XKR6: variants seen among roughly 807,000 people sequenced by gnomAD.
The protein encoded by XKR6 is XK related 6, also known as XK-related protein 6.
A neutral mutation model predicts 56.7 loss-of-function variants in XKR6; 22 were observed. That is an observed-to-expected ratio of 0.39 (90% CI 0.28 to 0.55). The LOEUF is 0.55. Among genes scored for constraint, XKR6 ranks in the 20% least tolerant of loss-of-function variants. The pLI, the probability that XKR6 is intolerant of heterozygous loss-of-function variation, is 0.66. For missense variants in XKR6, 852 were observed against 889.0 expected, an observed-to-expected ratio of 0.96 and a Z score of 0.53; for synonymous variants, 524 against 387.8, an observed-to-expected ratio of 1.35 and a Z score of -4.13.
In XKR6 at chr8:10,967,538, G is replaced by A. The variant is rs373989670; in HGVS notation, c.765-42708C>T. Among the ~76,000 whole-genome samples, 148 of 152,322 alleles carry A rather than the reference G, an allele frequency of 9.7e-4. 1 individual carries two copies. In the South Asian group the frequency reaches 0.019, roughly 20 times the overall value. Reference sequence around the variant, plus strand: ...AGCACTGAGGCAGAGGTCGGGGGGCGTGGGGTGCCTGGTCTGGGGCAATGG... The same window carrying A: ...AGCACTGAGGCAGAGGTCGGGGGGCATGGGGTGCCTGGTCTGGGGCAATGG... On this transcript the variant is annotated intron_variant, in intron 1 of 2. Coordinates refer to ENST00000416569, the MANE Select transcript of XKR6 (RefSeq NM_173683.4).
rs1799937462 is a variant in XKR6, at chr8:10,898,099, T to C, written c.1779A>G (p.Arg593=). ...PLIKIDMPRK[R]YPAWDAHFVD... Reference sequence around the variant, plus strand: ...CAAAATGAGCATCCCAAGCTGGGTATCGCTTTCTTGGCATGTCAATCTTAA... The same window carrying C: ...CAAAATGAGCATCCCAAGCTGGGTACCGCTTTCTTGGCATGTCAATCTTAA... The change falls in exon 3 of 3, where the codon CGA becomes CGG. Residue 593 remains arginine, a synonymous_variant. Transcript: ENST00000416569. This position sits in a 1 kb window ranked among gnomAD's most constrained non-coding sequence, Gnocchi z 6.6. 6.2e-7 allele frequency: 1 copy of C among 1,614,196 alleles called. No homozygotes were observed.
At chr8:11,108,651 G>A (rs549714991) in intron 1 of XKR6, 3 of 287,700 alleles carry the variant, frequency 1.0e-5, no homozygotes, top group African/African-American at 6.8e-5. Context: ...CTTGCCATGT[G>A]GCTCAGTTCT....
intron 1 of XKR6, among the ~76,000 whole-genome samples, chr8:11,183,047 G>A (rs1011041886): frequency 6.6e-6 from 1 of 152,074 alleles, no homozygotes; most frequent in Non-Finnish European, 1.5e-5. Flanking sequence ...TGTTAGAATT[G>A]CCTTTTTTTT....
chr8:11,064,118 T>A (rs947253291), intron 1 of XKR6, among the ~76,000 whole-genome samples: 11 of 152,224 alleles, frequency 7.2e-5, no homozygotes, highest in African/African-American at 2.7e-4. Context: ...TCCTGCGTCC[T>A]ACAGTCTCAC....
At chr8:11,092,822 A>G (rs1415151420) in intron 1 of XKR6, among the ~76,000 whole-genome samples, 1 of 152,164 alleles carries the variant, frequency 6.6e-6, no homozygotes, top group African/African-American at 2.4e-5. Context: ...GCCATGGAAG[A>G]CTGGAGCAGA....
At chr8:10,902,145 G>A (rs928011740) in intron 2 of XKR6, among the ~76,000 whole-genome samples, 6 of 152,184 alleles carry the variant, frequency 3.9e-5, no homozygotes, top group African/African-American at 1.4e-4. Flanking sequence ...CAAGGGTACT[G>A]CACAGACATT....
intron 1 of XKR6, among the ~76,000 whole-genome samples, chr8:11,047,967 G>A (rs1265899084): frequency 6.6e-6 from 1 of 152,138 alleles, no homozygotes; most frequent in Non-Finnish European, 1.5e-5. Context: ...GGAGTTACCT[G>A]CTTTGCCAAG....
rs538276248 is a variant in XKR6 at position 11,020,812 on chromosome 8, A to C, written c.765-95982T>G. Among the ~76,000 whole-genome samples, 3 of 152,226 alleles carry C rather than the reference A, an allele frequency of 2.0e-5. No individual in the cohort carries two copies. In the East Asian group the frequency reaches 5.8e-4, roughly 29 times the overall value. On this transcript the variant is annotated intron_variant, in intron 1 of 2. Transcript: ENST00000416569. The stretch of plus-strand genomic sequence containing the variant: ...CTAAACTTGCTGTGTGCACTTGGGC[A>C]GGCCAGGTGACCTCTCTGTGCAACA...
At chr8:10,962,916 C>T (rs1802105938) in intron 1 of XKR6, among the ~76,000 whole-genome samples, 1 of 152,184 alleles carries the variant, frequency 6.6e-6, no homozygotes, top group Non-Finnish European at 1.5e-5. Context: ...AGCCATCGCA[C>T]CTGGACTGGT....
intron 1 of XKR6, among the ~76,000 whole-genome samples, chr8:11,014,763 G>A (rs1011454111): frequency 6.6e-6 from 1 of 152,008 alleles, no homozygotes; most frequent in Non-Finnish European, 1.5e-5. Flanking sequence ...GCCCTTTTGG[G>A]ACCTCCGGGT....
intron 1 of XKR6, among the ~76,000 whole-genome samples, chr8:11,017,810 C>T (rs551246810): frequency 6.6e-6 from 1 of 152,186 alleles, no homozygotes. Flanking sequence ...AATAGAGGGC[C>T]TGGTTCCTCC....
At chr8:10,899,318 G>C (rs571786099) in intron 2 of XKR6, among the ~76,000 whole-genome samples, 11 of 152,352 alleles carry the variant, frequency 7.2e-5, no homozygotes, top group Admixed American at 1.3e-4. Flanking sequence ...TGTGCTCTCA[G>C]AGAAGCCCAC....
At chr8:10,936,015 T>A (rs1801197597) in intron 1 of XKR6, among the ~76,000 whole-genome samples, 1 of 150,982 alleles carries the variant, frequency 6.6e-6, no homozygotes, top group Non-Finnish European at 1.5e-5. Flanking sequence ...AACTCTCCCA[T>A]TATTAATGTG....
At chr8:11,108,469 A>C in intron 1 of XKR6, 1 of 411,144 alleles carries the variant, frequency 2.4e-6, no homozygotes, top group Non-Finnish European at 4.8e-6. Context: ...ATGTTCATTT[A>C]AAAAACAGGA....
chr8:11,067,869 C>T (rs1038060458), intron 1 of XKR6, among the ~76,000 whole-genome samples: 7 of 152,236 alleles, frequency 4.6e-5, no homozygotes, highest in Non-Finnish European at 1.0e-4. Flanking sequence ...GGGGTTGCAC[C>T]ACTGAGCCTG....
At chr8:11,052,077 C>T (rs1188833047) in intron 1 of XKR6, among the ~76,000 whole-genome samples, 1 of 152,208 alleles carries the variant, frequency 6.6e-6, no homozygotes, top group Non-Finnish European at 1.5e-5. Context: ...CACCGCCTGC[C>T]TCTCTGTCCC....
chr8:11,069,586 C>T (rs1356152935), intron 1 of XKR6, among the ~76,000 whole-genome samples: 1 of 152,156 alleles, frequency 6.6e-6, no homozygotes, highest in African/African-American at 2.4e-5. Flanking sequence ...TTCCCCTGCC[C>T]CCAAGCTGAG....
intron 2 of XKR6, among the ~76,000 whole-genome samples, chr8:10,920,859 A>G (rs540319349): frequency 1.1e-4 from 16 of 152,220 alleles, no homozygotes; most frequent in Non-Finnish European, 2.2e-4. Flanking sequence ...ACAGGTCCCA[A>G]ATATATTTAA....
At chr8:11,108,001 G>A (rs1261861485) in intron 1 of XKR6, 1 of 322,036 alleles carries the variant, frequency 3.1e-6, no homozygotes, top group Non-Finnish European at 6.0e-6. Context: ...GTTTCTTCAG[G>A]CTGCTTCATT....
Sources: gnomAD v4.1 joint callset for allele counts (sites outside exome capture counted in the v4.1 genomes callset) on GRCh38, gnomAD v4.1.1 for gene constraint, Gnocchi (gnomAD v3.1) non-coding constraint, MANE v1.5 for transcripts, NCBI Gene and HGNC (gene_info 2026-07-23, HGNC 2026-07-21) for gene names.